SCFD2: variants seen among roughly 807,000 people sequenced by gnomAD.
SCFD2 encodes sec1 family domain-containing protein 2.
SCFD2 carries 54 observed loss-of-function variants against 58.9 expected under a neutral mutation model. That is an observed-to-expected ratio of 0.92 (90% CI 0.74 to 1.15). The LOEUF (loss-of-function observed/expected upper bound fraction) is 1.15, where lower values mean the gene tolerates loss of function less well. SCFD2 is among the 50% of genes most tolerant of loss of function. SCFD2 has a pLI of 0.00. For missense variants in SCFD2, 805 were observed against 836.6 expected (o/e 0.96, Z 0.47); for synonymous variants, 321 against 335.9 (o/e 0.96, Z 0.49).
chr4:52,936,324 C>A (rs551199325), intron 5 of SCFD2, among the ~76,000 whole-genome samples: 15 of 152,276 alleles, frequency 9.9e-5, no homozygotes, highest in South Asian at 8.3e-4. Context: ...CTGGAAAAAA[C>A]CATAGCCTCC....
At chr4:53,336,471 T>C (rs1733686278) in intron 2 of SCFD2, among the ~76,000 whole-genome samples, 2 of 152,164 alleles carry the variant, frequency 1.3e-5, no homozygotes, top group South Asian at 4.1e-4. Context: ...CTAACCTCTA[T>C]AAACCCCAGT....
chr4:53,133,725 C>G (rs1185717384), intron 5 of SCFD2, among the ~76,000 whole-genome samples: 1 of 152,174 alleles, frequency 6.6e-6, no homozygotes, highest in East Asian at 1.9e-4. Flanking sequence ...ACATGAGCTG[C>G]CTTCCACAAC....
intron 5 of SCFD2, among the ~76,000 whole-genome samples, chr4:53,067,656 G>T (rs1723701064): frequency 6.6e-6 from 1 of 152,032 alleles, no homozygotes; most frequent in Non-Finnish European, 1.5e-5. Flanking sequence ...GCTGTCATGT[G>T]AAGAAGGACA....
At chr4:52,901,637 G>C (rs370133460) in intron 7 of SCFD2, among the ~76,000 whole-genome samples, 3 of 152,162 alleles carry the variant, frequency 2.0e-5, no homozygotes, top group Admixed American at 1.3e-4. Context: ...TCTAACCAGA[G>C]TGCAGATTCA....
chr4:53,327,868 C>T (rs1263113616), intron 2 of SCFD2, among the ~76,000 whole-genome samples: 1 of 151,988 alleles, frequency 6.6e-6, no homozygotes, highest in Non-Finnish European at 1.5e-5. Context: ...AAAGATCGGC[C>T]GGGTGCAGTG....
At chr4:52,970,797 C>T (rs1021159620) in intron 5 of SCFD2, among the ~76,000 whole-genome samples, 2 of 152,152 alleles carry the variant, frequency 1.3e-5, no homozygotes, top group African/African-American at 4.8e-5. Context: ...CTCACACGGC[C>T]GGGTACTCCT....
At position 52,955,707 on chromosome 4, in the gene SCFD2, G is replaced by T. The variant is rs1393029128; in HGVS notation, c.1562-34837C>A. 2.6e-5 allele frequency among the ~76,000 whole-genome samples: 4 copies of T among 152,114 alleles called. No homozygotes were observed. In the South Asian group the frequency reaches 8.3e-4, roughly 32 times the overall value. On this transcript the variant is annotated intron_variant, in intron 5 of 8. Coordinates refer to ENST00000401642, the MANE Select transcript of SCFD2 (RefSeq NM_152540.4). ...CAACCTGATAGGACATTCATAAAAA[G>T]ACCCCAGCAGCAGATTCTACCTCAG... is the stretch of plus-strand genomic sequence containing the variant.
chr4:53,107,369 C>T (rs1725035921), intron 5 of SCFD2, among the ~76,000 whole-genome samples: 1 of 152,202 alleles, frequency 6.6e-6, no homozygotes, highest in South Asian at 2.1e-4. Context: ...TAAATTCACA[C>T]ATAACGATAT....
intron 4 of SCFD2, among the ~76,000 whole-genome samples, chr4:53,200,999 T>A (rs576554042): frequency 2.2e-4 from 34 of 151,522 alleles, no homozygotes; most frequent in South Asian, 1.0e-3. Flanking sequence ...ATTAATTTTA[T>A]TTTAATTTAA....
intron 5 of SCFD2, among the ~76,000 whole-genome samples, chr4:52,966,742 CT>C (rs550735455): frequency 2.0e-5 from 3 of 152,112 alleles, no homozygotes; most frequent in Non-Finnish European, 2.9e-5. Context: ...AAGTCTGGTA[CT>C]TTTTTTTACT....
intron 5 of SCFD2, among the ~76,000 whole-genome samples, chr4:53,064,198 T>C (rs1723592907): frequency 6.6e-6 from 1 of 152,064 alleles, no homozygotes; most frequent in Non-Finnish European, 1.5e-5. Flanking sequence ...GATGCTGAGG[T>C]TTGGGGTACA....
intron 2 of SCFD2, among the ~76,000 whole-genome samples, chr4:53,314,890 C>G (rs2149112665): frequency 6.6e-6 from 1 of 152,236 alleles, no homozygotes; most frequent in East Asian, 1.9e-4. Context: ...TTGTTTTAAT[C>G]TGATCAAATC....
intron 5 of SCFD2, among the ~76,000 whole-genome samples, chr4:53,102,642 T>C (rs982682369): frequency 9.9e-5 from 15 of 152,012 alleles, no homozygotes; most frequent in Non-Finnish European, 1.8e-4. Flanking sequence ...CAATTTTACA[T>C]AAAAGGAAAA....
intron 5 of SCFD2, among the ~76,000 whole-genome samples, chr4:53,022,554 G>A (rs1397458389): frequency 1.3e-5 from 2 of 152,156 alleles, no homozygotes; most frequent in Admixed American, 1.3e-4. Context: ...GCCTAATTGG[G>A]AGAATAGTCT....
intron 2 of SCFD2, among the ~76,000 whole-genome samples, chr4:53,342,250 G>A (rs943320998): frequency 6.6e-6 from 1 of 152,032 alleles, no homozygotes; most frequent in African/African-American, 2.4e-5. Context: ...TCAAAACAAA[G>A]GGATGCAGGA....
intron 4 of SCFD2, among the ~76,000 whole-genome samples, chr4:53,160,438 G>C (rs1404068768): frequency 1.3e-5 from 2 of 152,196 alleles, no homozygotes; most frequent in Non-Finnish European, 2.9e-5. Context: ...AGATTTTGAA[G>C]TTAAAGGCAG....
intron 5 of SCFD2, among the ~76,000 whole-genome samples, chr4:53,070,902 C>T (rs1457256640): frequency 2.6e-5 from 4 of 152,038 alleles, no homozygotes; most frequent in African/African-American, 7.2e-5. Context: ...TCCCATTAGG[C>T]GCTCTTCTTT....
intron 5 of SCFD2, among the ~76,000 whole-genome samples, chr4:53,024,981 T>C (rs1722438359): frequency 6.6e-6 from 1 of 152,222 alleles, no homozygotes; most frequent in African/African-American, 2.4e-5. Context: ...CCACTGGTTA[T>C]ACTCTACCTT....
chr4:53,177,655 G>C (rs2148943355), intron 4 of SCFD2, among the ~76,000 whole-genome samples: 1 of 152,320 alleles, frequency 6.6e-6, no homozygotes, highest in Middle Eastern at 3.4e-3. Flanking sequence ...GGGAGTGCCA[G>C]ACAGTAGGTG....
Sources: allele counts gnomAD v4.1 joint callset (sites outside exome capture counted in the v4.1 genomes callset), GRCh38; gene constraint gnomAD v4.1.1; transcripts MANE v1.5; gene names NCBI Gene and HGNC (gene_info 2026-07-23, HGNC 2026-07-21).